CNGA3: variants seen among roughly 807,000 people sequenced by gnomAD.
The protein encoded by CNGA3 is cyclic nucleotide-gated channel alpha-3.
A neutral mutation model predicts 46.6 loss-of-function variants in CNGA3; 42 were observed. The observed-to-expected ratio is 0.90, with a 90% CI of 0.70 to 1.17. The LOEUF is 1.17. Among genes scored for constraint, CNGA3 ranks in the 50% most tolerant of loss-of-function variants. CNGA3 has a pLI of 0.00. For synonymous variants in CNGA3, 394 were observed against 369.4 expected (o/e 1.07, Z -0.76); for missense variants, 893 against 890.7 (o/e 1.00, Z -0.03).
chr2:98,381,245 C>T (rs1692531090), intron 4 of CNGA3, among the ~76,000 whole-genome samples: 1 of 152,114 alleles, frequency 6.6e-6, no homozygotes, highest in Non-Finnish European at 1.5e-5. Flanking sequence ...AGCTGACCTC[C>T]CCTCGGCCTC....
chr2:98,358,252 G>A (rs937047376), intron 1 of CNGA3, among the ~76,000 whole-genome samples: 2 of 152,082 alleles, frequency 1.3e-5, no homozygotes, highest in African/African-American at 2.4e-5. Flanking sequence ...TTGTTTATTC[G>A]GCCTTTCCTA....
At position 98,396,289 on chromosome 2, in the gene CNGA3, G is replaced by A; in HGVS notation, c.1119G>A (p.Val373=). ...LTTIGETPPP[V]KDEEYLFVVV... ...CCATTGGTGAGACCCCACCCCCCGT[G>A]AAAGATGAGGAGTATCTCTTTGTGG... is the stretch of plus-strand genomic sequence containing the variant. Residue 373 remains valine (V), a synonymous_variant, in exon 8 of 8, where the codon GTG becomes GTA. Coordinates refer to ENST00000272602, the MANE Select transcript of CNGA3 (RefSeq NM_001298.3). 1 of 1,610,732 alleles carries A rather than the reference G, an allele frequency of 6.2e-7. No individual in the cohort carries two copies. Among genetic ancestry groups the A allele is most frequent in the Non-Finnish European group, 8.5e-7 (1 of 1,177,576 alleles).
intron 1 of CNGA3, among the ~76,000 whole-genome samples, chr2:98,362,433 G>A (rs544811844): frequency 4.6e-5 from 7 of 151,760 alleles, no homozygotes; most frequent in East Asian, 3.9e-4. Flanking sequence ...CACCTGCCTC[G>A]GCCTCCCAAA....
chr2:98,383,739 C>T lies in CNGA3; in HGVS notation c.449+298C>T, dbSNP rs142507896. On this transcript the variant is annotated intron_variant, in intron 5 of 7. Transcript: ENST00000272602. The stretch of plus-strand genomic sequence containing the variant: ...TGCTTTAAGCTTTAGCACTCTATAC[C>T]ACGATATATCTGAGGGTGCAGAACC... 6.0e-4 allele frequency among the ~76,000 whole-genome samples: 91 copies of T among 152,256 alleles called. 1 individual carries two copies. In the East Asian group the frequency reaches 0.014, roughly 24 times the overall value.
At chr2:98,395,818 C>A in intron 7 of CNGA3, 26 bp from the exon 8 acceptor site, 1 of 1,609,752 alleles carries the variant, frequency 6.2e-7, no homozygotes, top group Non-Finnish European at 8.5e-7. Context: ...TCTGTGATGC[C>A]CAATGACCTC....
Position 98,377,716 on chromosome 2 carries a change from C to T in CNGA3, c.131C>T (p.Ser44Leu), listed in dbSNP as rs1196497044. 6.2e-7 allele frequency: 1 copy of T among 1,613,488 alleles called. No homozygotes were observed. Among genetic ancestry groups the T allele is most frequent in the Admixed American group, 1.7e-5 (1 of 60,020 alleles). ...CACTCGTCAAGTGAGGAGACATCGT[C>T]AGTGCTGCAGCCGGGGATCGCCATG... ...RAHSSSEETS[S>L]VLQPGIAMET... is the part of the protein sequence containing the mutation. The change falls in exon 3 of 8, where the codon TCA (serine) becomes TTA (leucine). Residue 44 changes from serine to leucine, a missense_variant. Physicochemically the swap from Ser to Leu is moderately radical, Grantham distance 145. Coordinates refer to ENST00000272602, the MANE Select transcript of CNGA3 (RefSeq NM_001298.3).
rs540714979 is a variant in CNGA3 at position 98,393,593 on chromosome 2, G to T, written c.673+1623G>T. 1.6e-3 allele frequency among the ~76,000 whole-genome samples: 248 copies of T among 152,302 alleles called. 2 individuals are homozygous for T. Among genetic ancestry groups the T allele is most frequent in the African/African-American group, 5.6e-3 (232 of 41,540 alleles). On this transcript the variant is annotated intron_variant, in intron 7 of 7. Transcript: ENST00000272602. The stretch of plus-strand genomic sequence containing the variant: ...GCCAGCCCTGGTCACCTGCCCCGCT[G>T]CTGCAGTCATGTTAAACTCCACAGA...
intron 1 of CNGA3, among the ~76,000 whole-genome samples, chr2:98,369,544 AAATT>A (rs1325009646): frequency 6.6e-6 from 1 of 152,252 alleles, no homozygotes; most frequent in African/African-American, 2.4e-5. Flanking sequence ...AATAGGTGCC[AAATT>A]ATAAGATAAA....
At chr2:98,375,084 G>C (rs1311222298) in intron 2 of CNGA3, among the ~76,000 whole-genome samples, 1 of 152,196 alleles carries the variant, frequency 6.6e-6, no homozygotes, top group Non-Finnish European at 1.5e-5. Flanking sequence ...CCCTGAGTGG[G>C]CATCATAGAT....
chr2:98,387,849 A>T (rs1309695098), intron 5 of CNGA3, among the ~76,000 whole-genome samples: 2 of 152,308 alleles, frequency 1.3e-5, no homozygotes, highest in East Asian at 3.9e-4. Flanking sequence ...ACACCCTTCC[A>T]TTCAGAACGG....
chr2:98,361,148 G>A (rs1244154979), intron 1 of CNGA3, among the ~76,000 whole-genome samples: 1 of 152,046 alleles, frequency 6.6e-6, no homozygotes, highest in East Asian at 1.9e-4. Flanking sequence ...AGGCCAGCAT[G>A]CATTAGCTAT....
intron 3 of CNGA3, chr2:98,379,933 G>T: frequency 1.7e-6 from 1 of 585,808 alleles, no homozygotes; most frequent in Non-Finnish European, 3.1e-6. Context: ...TCCCTTTCCG[G>T]GGAAGCCTGC....
chr2:98,381,632 T>A (rs1473592952), intron 4 of CNGA3, among the ~76,000 whole-genome samples: 1 of 152,162 alleles, frequency 6.6e-6, no homozygotes, highest in Non-Finnish European at 1.5e-5. Context: ...CAGTGACTGC[T>A]TTAGGAGACC....
intron 6 of CNGA3, among the ~76,000 whole-genome samples, chr2:98,391,281 C>A (rs185558587): frequency 6.6e-6 from 1 of 151,916 alleles, no homozygotes; most frequent in Admixed American, 6.6e-5. Flanking sequence ...CTGGTGCACG[C>A]GGGCTCTGGG....
intron 1 of CNGA3, among the ~76,000 whole-genome samples, chr2:98,359,532 A>G (rs1393469983): frequency 1.3e-5 from 2 of 152,220 alleles, no homozygotes; most frequent in Non-Finnish European, 1.5e-5. Flanking sequence ...ACTGGCAAAT[A>G]CACTGCATTA....
At chr2:98,364,095 A>G (rs1313492824) in intron 1 of CNGA3, among the ~76,000 whole-genome samples, 3 of 152,124 alleles carry the variant, frequency 2.0e-5, no homozygotes, top group Non-Finnish European at 4.4e-5. Context: ...CTGTTTTGTC[A>G]GGCTGGGTGT....
At chr2:98,384,233 G>A (rs1305658338) in intron 5 of CNGA3, among the ~76,000 whole-genome samples, 2 of 152,150 alleles carry the variant, frequency 1.3e-5, no homozygotes, top group Admixed American at 6.5e-5. Context: ...TTTTGGGGGC[G>A]TAATCAGAGC....
chr2:98,347,479 G>C (rs1033264093), intron 1 of CNGA3, among the ~76,000 whole-genome samples: 9 of 152,218 alleles, frequency 5.9e-5, no homozygotes, highest in African/African-American at 2.2e-4. Context: ...TTTTCTCCCT[G>C]TGTAATCTCC....
chr2:98,356,255 CTGA>C (rs948629163), intron 1 of CNGA3, among the ~76,000 whole-genome samples: 2 of 152,194 alleles, frequency 1.3e-5, no homozygotes, highest in Non-Finnish European at 2.9e-5. Context: ...CTCACATTTA[CTGA>C]TAACTTGCTG....
Sources: gnomAD v4.1 joint callset for allele counts (sites outside exome capture counted in the v4.1 genomes callset) on GRCh38, gnomAD v4.1.1 for gene constraint, MANE v1.5 for transcripts, NCBI Gene and HGNC (gene_info 2026-07-23, HGNC 2026-07-21) for gene names.